Variants in ZNF813 observed in about 807,000 individuals in gnomAD.
ZNF813 encodes the protein zinc finger protein 813.
A neutral mutation model predicts 7.2 loss-of-function variants in ZNF813; 3 were observed. The ratio of observed to expected loss-of-function variants is 0.42; its 90% confidence interval spans 0.19 to 1.08. ZNF813 has a LOEUF of 1.08. ZNF813 is among the 50% of genes least tolerant of loss of function. ZNF813 has a pLI of 0.30. For synonymous variants in ZNF813, 227 were observed against 256.3 expected (o/e 0.89, Z 1.09); for missense variants, 714 against 753.3 (o/e 0.95, Z 0.61).
intron 1 of ZNF813, among the ~76,000 whole-genome samples, chr19:53,478,890 G>C (rs1600110341): frequency 6.9e-6 from 1 of 144,240 alleles, no homozygotes. Flanking sequence ...CCTCTTCATT[G>C]CTTTTTTTTT....
At chr19:53,475,119 C>T (rs573386186) in intron 1 of ZNF813, among the ~76,000 whole-genome samples, 1 of 152,222 alleles carries the variant, frequency 6.6e-6, no homozygotes, top group East Asian at 1.9e-4. Flanking sequence ...TATTTCTTGC[C>T]TCTAGCTGAT....
At chr19:53,468,600 A>C (rs999893913) in intron 1 of ZNF813, among the ~76,000 whole-genome samples, 11 of 152,072 alleles carry the variant, frequency 7.2e-5, no homozygotes, top group African/African-American at 2.4e-4. Flanking sequence ...TGAGCAAAGG[A>C]ATCTATATCA....
chr19:53,485,991 T>C (rs2086432064), intron 2 of ZNF813, among the ~76,000 whole-genome samples: 1 of 152,122 alleles, frequency 6.6e-6, no homozygotes, highest in African/African-American at 2.4e-5. Context: ...CTCTGCCTCC[T>C]GGGATCAAGC....
intron 2 of ZNF813, among the ~76,000 whole-genome samples, chr19:53,485,399 C>T (rs1180107246): frequency 6.6e-6 from 1 of 152,156 alleles, no homozygotes; most frequent in East Asian, 1.9e-4. Context: ...AATATACACA[C>T]ACATATACAT....
Position 53,490,802 on chromosome 19 carries a change from T to G in ZNF813, c.570T>G (p.Asn190Lys), listed in dbSNP as rs1478609036. 3.1e-6 allele frequency: 5 copies of G among 1,614,070 alleles called. No homozygotes were observed. In the African/African-American group the frequency reaches 6.7e-5, roughly 22 times the overall value. ...GTAGGCCCAAAACCCATATTTCTAA[T>G]AACTATGGGAATAATTTCCGGAATT... ...ISCRPKTHIS[N>K]NYGNNFRNSS... The change falls in exon 4 of 4, where the codon AAT becomes AAG. Residue 190 changes from asparagine (N) to lysine (K), a missense_variant. Transcript: ENST00000396403.
chr19:53,479,571 A>G lies in ZNF813; in HGVS notation c.-73-4179A>G, dbSNP rs947026088. ...AGGAGCGCCTGGCCACTGCCCTGCAAAAGCTGGAAGAAGCGGGAAAAGCTG... is the reference window on the plus strand; with the variant it reads ...AGGAGCGCCTGGCCACTGCCCTGCAGAAGCTGGAAGAAGCGGGAAAAGCTG... On this transcript the variant is annotated intron_variant, in intron 1 of 3. Coordinates refer to ENST00000396403, the MANE Select transcript of ZNF813 (RefSeq NM_001004301.4). 3.8e-5 allele frequency: 45 copies of G among 1,175,782 alleles called. No individual in the cohort carries two copies. The African/African-American group carries it at 6.5e-4, about 17-fold the overall frequency. The allele number at this position is 1,175,782 out of a possible 1,614,324, so 72.8% of individuals were successfully genotyped here.
At chr19:53,483,940 G>C (rs896831150) in intron 2 of ZNF813, 103 bp downstream of exon 2, 13 of 1,602,204 alleles carry the variant, frequency 8.1e-6, no homozygotes, top group Non-Finnish European at 1.0e-5. Flanking sequence ...CTGCCTGACA[G>C]GTTTGCTCAC....
chr19:53,479,270 T>C, intron 1 of ZNF813: 1 of 1,387,380 alleles, frequency 7.2e-7, no homozygotes, highest in Non-Finnish European at 9.9e-7. Flanking sequence ...TCTCTTTTAA[T>C]ACATAATCAT....
chr19:53,488,794 G>A (rs1319493318), intron 3 of ZNF813, among the ~76,000 whole-genome samples: 1 of 152,046 alleles, frequency 6.6e-6, no homozygotes, highest in Non-Finnish European at 1.5e-5. Flanking sequence ...ATCTTAACAT[G>A]TATTTCAGTT....
chr19:53,469,234 A>G (rs1182173660), intron 1 of ZNF813, among the ~76,000 whole-genome samples: 1 of 152,128 alleles, frequency 6.6e-6, no homozygotes, highest in Non-Finnish European at 1.5e-5. Context: ...AGCAGAAACA[A>G]TTTTTCTTAG....
chr19:53,481,861 C>G (rs2086409897), intron 1 of ZNF813, among the ~76,000 whole-genome samples: 1 of 152,154 alleles, frequency 6.6e-6, no homozygotes, highest in Admixed American at 6.5e-5. Context: ...ATGAAAGATG[C>G]TTCTCTAATT....
chr19:53,468,313 A>T (rs1600106170), intron 1 of ZNF813, among the ~76,000 whole-genome samples: 1 of 140,904 alleles, frequency 7.1e-6, no homozygotes, highest in Non-Finnish European at 1.5e-5. Flanking sequence ...CACGTTGGGG[A>T]GGTGCCCGGG....
In ZNF813 at chr19:53,470,558, GT is replaced by G. The variant is rs1399165701; in HGVS notation, c.-74+2771del. ...CAATTGCTTCTATAGTTGATTGAATGTTCCTTAACAAGGAGAGGTAAGAGGT... is the reference window on the plus strand; with the variant it reads ...CAATTGCTTCTATAGTTGATTGAATGTCCTTAACAAGGAGAGGTAAGAGGT... On this transcript the variant is annotated intron_variant, in intron 1 of 3. Coordinates refer to ENST00000396403, the MANE Select transcript of ZNF813 (RefSeq NM_001004301.4). 1.6e-5 allele frequency among the ~76,000 whole-genome samples: 2 copies of G among 127,978 alleles called. 1 individual carries two copies. Among genetic ancestry groups the G allele is most frequent in the African/African-American group, 6.2e-5 (2 of 32,062 alleles). The allele number at this position is 127,978 out of a possible 152,430, so 84.0% of individuals were successfully genotyped here. A position where few individuals can be genotyped will look rare whatever the true frequency, so the allele number is the denominator to read the frequency against.
At position 53,467,830 on chromosome 19, in the gene ZNF813, G is replaced by A. The variant is rs146224245; in HGVS notation, c.-74+41G>A. 1,311 of 154,372 alleles carry A rather than the reference G, an allele frequency of 8.5e-3. 20 individuals carry two copies. Among genetic ancestry groups the A allele is most frequent in the African/African-American group, 0.03 (1,236 of 41,592 alleles). 9.6% of individuals were successfully genotyped at this position (154,372 alleles called of 1,614,324 possible). A position where few individuals can be genotyped will look rare whatever the true frequency, so the allele number is the denominator to read the frequency against. On this transcript the variant is annotated intron_variant, in intron 1 of 3. Transcript: ENST00000396403. ...TGTTGTATTAGGTCTGCACTTCCCA[G>A]GTCCCTGGCGCTTCTGTACCTGGGG...
At chr19:53,470,034 TG>T (rs2086349558) in intron 1 of ZNF813, among the ~76,000 whole-genome samples, 1 of 151,878 alleles carries the variant, frequency 6.6e-6, no homozygotes, top group Non-Finnish European at 1.5e-5. Context: ...AATCATGTAA[TG>T]ATTGGTCACA....
intron 3 of ZNF813, among the ~76,000 whole-genome samples, chr19:53,487,955 G>A (rs906079135): frequency 3.9e-5 from 6 of 152,072 alleles, no homozygotes; most frequent in African/African-American, 1.4e-4. Context: ...TAGAAAAAAA[G>A]TTGAATTATG....
rs182440215 is a variant in ZNF813, at chr19:53,491,515, G to A, written c.1283G>A (p.Arg428His). The change falls in exon 4 of 4, where the codon CGT becomes CAT. Residue 428 changes from arginine to histidine, a missense_variant. This residue lies in a region of ZNF813 where 563 missense variants were observed against 554.2 expected (regional missense o/e 1.02). Coordinates refer to ENST00000396403, the MANE Select transcript of ZNF813 (RefSeq NM_001004301.4). ...TTTAATAAAAAGGCAAACCTTGCAC[G>A]TCATCATAGACTTCATAGTGGAGAG... ...KVFNKKANLARHHRLHSGEKP... is the reference protein window; with the variant it reads ...KVFNKKANLAHHHRLHSGEKP... The A allele has an allele frequency of 2.0e-4, 330 of 1,613,536 alleles. No homozygotes were observed. Among genetic ancestry groups the A allele is most frequent in the Non-Finnish European group, 2.7e-4 (317 of 1,179,794 alleles).
At chr19:53,473,517 T>G (rs1411260015) in intron 1 of ZNF813, among the ~76,000 whole-genome samples, 3 of 152,206 alleles carry the variant, frequency 2.0e-5, no homozygotes, top group Non-Finnish European at 4.4e-5. Context: ...AGCTGCCAGT[T>G]TCAGCTGACT....
At position 53,483,641 on chromosome 19, in the gene ZNF813, A is replaced by G. The variant is rs150545062; in HGVS notation, c.-73-109A>G. On this transcript the variant is annotated intron_variant, in intron 1 of 3. Coordinates refer to ENST00000396403, the MANE Select transcript of ZNF813 (RefSeq NM_001004301.4). The stretch of plus-strand genomic sequence containing the variant: ...TATTGTCCCTGGTGTGGTCGGCAGC[A>G]TAGGGGACCGTATTTCCTCAGGATG... 1,134 of 1,128,902 alleles carry G rather than the reference A, an allele frequency of 1.0e-3. 11 individuals are homozygous for G. In the African/African-American group the frequency reaches 0.016, roughly 16 times the overall value. 69.9% of individuals were successfully genotyped at this position (1,128,902 alleles called of 1,614,324 possible).
Sources: allele counts gnomAD v4.1 joint callset (sites outside exome capture counted in the v4.1 genomes callset), GRCh38; gene constraint gnomAD v4.1.1; regional missense constraint gnomAD v4.1.1; transcripts MANE v1.5; gene names NCBI Gene and HGNC (gene_info 2026-07-23, HGNC 2026-07-21).